Variants in TMEM132B observed in about 807,000 individuals in gnomAD.
TMEM132B encodes the protein transmembrane protein 132B.
Under a neutral mutation model 90.8 loss-of-function variants are expected in TMEM132B, and 18 were observed. The ratio of observed to expected loss-of-function variants is 0.20; its 90% CI spans 0.14 to 0.29. The LOEUF is 0.29. Among genes scored for constraint, TMEM132B ranks in the 10% least tolerant of loss-of-function variants. The pLI is 1.00. For synonymous variants in TMEM132B, 504 were observed against 523.3 expected (o/e 0.96, Z 0.50); for missense variants, 1,096 against 1,326.8 (o/e 0.83, Z 2.70).
chr12:125,605,307 T>C (rs1885666681), intron 5 of TMEM132B, among the ~76,000 whole-genome samples: 1 of 152,224 alleles, frequency 6.6e-6, no homozygotes, highest in South Asian at 2.1e-4. Context: ...ATTCCCTTGG[T>C]ACTGATTGGA....
At chr12:125,194,386 C>T (rs542125846) in intron 1 of TMEM132B, among the ~76,000 whole-genome samples, 48 of 152,168 alleles carry the variant, frequency 3.2e-4, no homozygotes, top group Admixed American at 1.3e-3. Flanking sequence ...TGCCTCCTGC[C>T]GGGGCTCTCA....
chr12:125,399,935 A>G (rs1879269054), intron 2 of TMEM132B, among the ~76,000 whole-genome samples: 1 of 152,208 alleles, frequency 6.6e-6, no homozygotes, highest in African/African-American at 2.4e-5. Context: ...CACAGGCTGG[A>G]TGGAGCTTCC....
intron 1 of TMEM132B, among the ~76,000 whole-genome samples, chr12:125,217,155 T>G (rs564176464): frequency 2.0e-5 from 3 of 152,314 alleles, no homozygotes; most frequent in African/African-American, 7.2e-5. Flanking sequence ...AATATGGGTA[T>G]CAAAGCAGAA....
At chr12:125,444,690 G>T (rs888742264) in intron 3 of TMEM132B, among the ~76,000 whole-genome samples, 1 of 152,128 alleles carries the variant, frequency 6.6e-6, no homozygotes, top group Non-Finnish European at 1.5e-5. Context: ...AACCTGGCTG[G>T]GCTGTAGTCC....
intron 4 of TMEM132B, among the ~76,000 whole-genome samples, chr12:125,522,641 A>G (rs919063053): frequency 2.0e-5 from 3 of 152,160 alleles, no homozygotes; most frequent in Non-Finnish European, 4.4e-5. Context: ...CTTGCTACCA[A>G]ACTACTGAAG....
At chr12:125,339,345 CT>C (rs34728100) in intron 1 of TMEM132B, among the ~76,000 whole-genome samples, 25,686 of 152,164 alleles carry the variant, frequency 0.17, 2,460 homozygotes, top group East Asian at 0.33. Context: ...CGCCTGCCTT[CT>C]ATGCCACCAC....
intron 5 of TMEM132B, among the ~76,000 whole-genome samples, chr12:125,609,759 G>C (rs562330255): frequency 7.2e-5 from 10 of 139,578 alleles, no homozygotes; most frequent in Non-Finnish European, 1.4e-4. Flanking sequence ...GGAGGTTGCA[G>C]TGAGCCGAGA....
chr12:125,375,500 T>G (rs1439511507), intron 2 of TMEM132B, among the ~76,000 whole-genome samples: 1 of 152,238 alleles, frequency 6.6e-6, no homozygotes, highest in Non-Finnish European at 1.5e-5. Flanking sequence ...ATCTTTGCTT[T>G]TCATCTTGAA....
chr12:125,430,982 G>A (rs1357974059), intron 3 of TMEM132B, among the ~76,000 whole-genome samples: 1 of 152,118 alleles, frequency 6.6e-6, no homozygotes, highest in African/African-American at 2.4e-5. Context: ...CAGAGTCCCT[G>A]AGGTGGCCGG....
At chr12:125,194,463 C>T (rs964578225) in intron 1 of TMEM132B, among the ~76,000 whole-genome samples, 1 of 152,124 alleles carries the variant, frequency 6.6e-6, no homozygotes, top group Non-Finnish European at 1.5e-5. Context: ...TGGGGTGACT[C>T]CCCCGGGCCT....
chr12:125,274,174 A>G (rs924037863), intron 1 of TMEM132B, among the ~76,000 whole-genome samples: 1 of 152,194 alleles, frequency 6.6e-6, no homozygotes, highest in African/African-American at 2.4e-5. Context: ...CTCTTTCACT[A>G]AACATTGCAT....
chr12:125,610,643 A>G (rs1566088764), intron 5 of TMEM132B, among the ~76,000 whole-genome samples: 1 of 150,706 alleles, frequency 6.6e-6, no homozygotes, highest in African/African-American at 2.4e-5. Context: ...CTCTCTCTGT[A>G]TGTGTGTGTG....
chr12:125,259,509 T>C (rs753704719), intron 1 of TMEM132B, among the ~76,000 whole-genome samples: 1 of 152,124 alleles, frequency 6.6e-6, no homozygotes, highest in Non-Finnish European at 1.5e-5. Flanking sequence ...CCGGGTTGAG[T>C]TGGAACCCAG....
chr12:125,262,704 C>T (rs1355917251), intron 1 of TMEM132B, among the ~76,000 whole-genome samples: 1 of 152,220 alleles, frequency 6.6e-6, no homozygotes, highest in Non-Finnish European at 1.5e-5. Context: ...TTAGAGGCTT[C>T]CAGAGGGCTG....
chr12:125,619,034 G>C (rs565490463), intron 5 of TMEM132B, among the ~76,000 whole-genome samples: 304 of 152,310 alleles, frequency 2.0e-3, no homozygotes, highest in Non-Finnish European at 3.6e-3. Context: ...TGAAAATTTG[G>C]TAGTGGTAGA....
At chr12:125,404,894 G>T (rs541395614) in intron 2 of TMEM132B, among the ~76,000 whole-genome samples, 6 of 152,200 alleles carry the variant, frequency 3.9e-5, no homozygotes, top group African/African-American at 1.2e-4. Flanking sequence ...AGTTTATTTT[G>T]TTTATATGTA....
intron 2 of TMEM132B, among the ~76,000 whole-genome samples, chr12:125,357,052 C>T (rs912886860): frequency 2.0e-5 from 3 of 152,284 alleles, no homozygotes; most frequent in South Asian, 2.1e-4. Context: ...ACATTGTCTA[C>T]CACATAGTAA....
chr12:125,532,955 G>A (rs1289950328), intron 4 of TMEM132B, among the ~76,000 whole-genome samples: 1 of 152,196 alleles, frequency 6.6e-6, no homozygotes, highest in Non-Finnish European at 1.5e-5. Flanking sequence ...GTTGCCCGCT[G>A]CAAGCCTGAT....
intron 1 of TMEM132B, among the ~76,000 whole-genome samples, chr12:125,259,950 A>C (rs1287737313): frequency 2.6e-5 from 4 of 151,540 alleles, no homozygotes; most frequent in Non-Finnish European, 4.4e-5. Flanking sequence ...GGGTCTCTTC[A>C]CTCATTTGTG....
Sources: allele counts gnomAD v4.1 joint callset (sites outside exome capture counted in the v4.1 genomes callset), GRCh38; gene constraint gnomAD v4.1.1; transcripts MANE v1.5; gene names NCBI Gene and HGNC (gene_info 2026-07-23, HGNC 2026-07-21).